Variants in WRN observed in about 807,000 individuals in gnomAD.
WRN encodes the protein bifunctional 3'-5' exonuclease/ATP-dependent helicase WRN.
In WRN, 149 loss-of-function variants were observed where a neutral mutation model predicts 180.7. The observed-to-expected ratio is 0.82, with a 90% CI of 0.72 to 0.94. The LOEUF is 0.94. Ranked by LOEUF, WRN falls within the 40% of genes least tolerant of loss-of-function variation. The pLI, the probability that WRN is intolerant of heterozygous loss-of-function variation, is 0.00. For missense variants in WRN, 1,661 were observed against 1,700.1 expected (o/e 0.98, Z 0.40); for synonymous variants, 548 against 568.9 (o/e 0.96, Z 0.52).
chr8:31,166,312 G>A (rs1208220768), intron 33 of WRN, among the ~76,000 whole-genome samples: 1 of 152,146 alleles, frequency 6.6e-6, no homozygotes, highest in Non-Finnish European at 1.5e-5. Flanking sequence ...GCAGAAGAAT[G>A]TGATGTTGGA....
intron 23 of WRN, among the ~76,000 whole-genome samples, chr8:31,131,386 C>G (rs1277938757): frequency 6.6e-6 from 1 of 152,104 alleles, no homozygotes; most frequent in Non-Finnish European, 1.5e-5. Context: ...GAATGCCTGA[C>G]TTCAAGTGAT....
chr8:31,033,865 G>C lies in WRN; in HGVS notation c.-185G>C, dbSNP rs1246092958. The C allele has an allele frequency of 1.3e-5, 2 of 152,508 alleles. No individual in the cohort carries two copies. The highest frequency in any genetic ancestry group is 2.9e-5 in the Non-Finnish European group (2 of 68,274). The allele number at this position is 152,508 out of a possible 1,614,324, so 9.4% of individuals were successfully genotyped here. A position where few individuals can be genotyped will look rare whatever the true frequency, so the allele number is the denominator to read the frequency against. On this transcript the variant is annotated 5_prime_UTR_variant, in exon 1 of 35. Transcript: ENST00000298139. Reference sequence around the variant, plus strand: ...TTGTACTCGGCAGCGCGGGAATAAAGTTTGCTGATTTGGTGTCTAGCCTGG... The same window carrying C: ...TTGTACTCGGCAGCGCGGGAATAAACTTTGCTGATTTGGTGTCTAGCCTGG...
Position 31,064,475 on chromosome 8 carries a change from G to A in WRN, c.355+41G>A, listed in dbSNP as rs1043004968. On this transcript the variant is annotated intron_variant, in intron 4 of 34. Transcript: ENST00000298139. ...TTTCATTTTTATATGGCTGATAATT[G>A]TAATATGTCAACTTTATCCCTATAA... 2.5e-6 allele frequency: 4 copies of A among 1,612,826 alleles called. No individual in the cohort carries two copies. In the East Asian group the frequency reaches 6.7e-5, roughly 27 times the overall value.
Position 31,111,572 on chromosome 8 carries a change from A to T in WRN, c.2089-43A>T, listed in dbSNP as rs770637117. On this transcript the variant is annotated intron_variant, in intron 18 of 34. Coordinates refer to ENST00000298139, the MANE Select transcript of WRN (RefSeq NM_000553.6). ...AAAGCTATAGACATGTTGGGAATGA[A>T]TGAGCTCTTTCCTTTTTAAAATATC... The T allele has an allele frequency of 2.5e-6, 4 of 1,600,016 alleles. No homozygotes were observed. In the African/African-American group the frequency reaches 5.4e-5, roughly 21 times the overall value.
chr8:31,037,153 G>C (rs1021630751), intron 1 of WRN, among the ~76,000 whole-genome samples: 1 of 152,184 alleles, frequency 6.6e-6, no homozygotes, highest in African/African-American at 2.4e-5. Context: ...CCTGAAACTT[G>C]AGGGTCCTAT....
chr8:31,058,555 A>G lies in WRN; in HGVS notation c.96+12A>G, dbSNP rs1812363989. 6.2e-7 allele frequency: 1 copy of G among 1,612,572 alleles called. No individual in the cohort carries two copies. Among genetic ancestry groups the G allele is most frequent in the Non-Finnish European group, 8.5e-7 (1 of 1,178,896 alleles). The stretch of plus-strand genomic sequence containing the variant: ...TAGAAGAAAGAAAGGTATGTTGTTC[A>G]TTGACTATTCTTTTGGGTGAGAAAT... On this transcript the variant is annotated intron_variant, in intron 2 of 34. Transcript: ENST00000298139.
intron 1 of WRN, among the ~76,000 whole-genome samples, chr8:31,054,641 C>T (rs754558465): frequency 2.6e-5 from 4 of 152,100 alleles, no homozygotes; most frequent in African/African-American, 4.8e-5. Context: ...AGGAAAAGTC[C>T]AAAGCAAATC....
At chr8:31,121,141 T>C (rs762780757) in intron 21 of WRN, among the ~76,000 whole-genome samples, 8 of 151,996 alleles carry the variant, frequency 5.3e-5, no homozygotes, top group Non-Finnish European at 1.2e-4. Context: ...CATTTACCAA[T>C]ACTTTGTTCC....
intron 33 of WRN, among the ~76,000 whole-genome samples, chr8:31,163,940 A>G (rs1803742730): frequency 6.6e-6 from 1 of 151,368 alleles, no homozygotes; most frequent in Non-Finnish European, 1.5e-5. Flanking sequence ...GCAGCCTTGA[A>G]CTCTTGGGCT....
At chr8:31,147,616 A>G (rs1356899762) in intron 30 of WRN, 140 bp downstream of exon 30, 2 of 781,844 alleles carry the variant, frequency 2.6e-6, no homozygotes, top group Non-Finnish European at 4.3e-6. Context: ...TGCGATGCTT[A>G]TCTCTTTGCC....
At chr8:31,046,652 T>C (rs769402953) in intron 1 of WRN, among the ~76,000 whole-genome samples, 17 of 152,186 alleles carry the variant, frequency 1.1e-4, no homozygotes, top group South Asian at 6.2e-4. Context: ...TCTTTAGCTG[T>C]CTTTGAAACC....
intron 21 of WRN, among the ~76,000 whole-genome samples, chr8:31,122,756 C>T (rs1418202556): frequency 3.3e-5 from 5 of 150,270 alleles, no homozygotes; most frequent in Non-Finnish European, 5.9e-5. Flanking sequence ...TTTGTTTTCT[C>T]AAATTTGTCC....
At chr8:31,059,382 T>C in intron 3 of WRN, 117 bp downstream of exon 3, 2 of 785,512 alleles carry the variant, frequency 2.5e-6, no homozygotes, top group South Asian at 1.4e-5. Context: ...TAGATAATTA[T>C]TTCTATGTAT....
chr8:31,132,293 T>A (rs1409763587), intron 23 of WRN, 72 bp from the exon 24 acceptor site: 1 of 1,548,684 alleles, frequency 6.5e-7, no homozygotes, highest in Non-Finnish European at 8.7e-7. Context: ...CTAATTGTTA[T>A]GCTAAATCTT....
At chr8:31,058,301 A>C in intron 1 of WRN, 71 bp from the exon 2 acceptor site, 2 of 666,638 alleles carry the variant, frequency 3.0e-6, no homozygotes, top group East Asian at 5.5e-5. Flanking sequence ...CTATGCTTGG[A>C]CCTAGGTGTC....
intron 17 of WRN, among the ~76,000 whole-genome samples, chr8:31,099,904 A>G (rs1034231659): frequency 2.0e-5 from 3 of 152,136 alleles, no homozygotes; most frequent in Non-Finnish European, 4.4e-5. Context: ...GAGGACTGAG[A>G]CTTGGAAAGC....
rs71208105 is a variant in WRN at position 31,149,455 on chromosome 8, G to GTTTTTTTT, written c.3573-857_3573-850dup. Among the ~76,000 whole-genome samples, 8 of 51,972 alleles carry GTTTTTTTT rather than the reference G, an allele frequency of 1.5e-4. 2 individuals are homozygous for GTTTTTTTT. The highest frequency in any genetic ancestry group is 6.2e-4 in the African/African-American group (8 of 13,002). The allele number at this position is 51,972 out of a possible 152,430, so 34.1% of individuals were successfully genotyped here. On this transcript the variant is annotated intron_variant, in intron 30 of 34. Coordinates refer to ENST00000298139, the MANE Select transcript of WRN (RefSeq NM_000553.6). ...TCTAAGACCATACTTTAATAGAGGT[G>GTTTTTTTT]TTTTTTTTTTTTTTTTTTTTTTTTT...
intron 30 of WRN, among the ~76,000 whole-genome samples, chr8:31,149,455 G>GTTTTTTTTTTTTTTTTTTT (rs71208105): frequency 3.8e-5 from 2 of 51,976 alleles, no homozygotes; most frequent in African/African-American, 1.5e-4. Flanking sequence ...TAATAGAGGT[G>GTTTTTTTTTTTTTTTTTTT]TTTTTTTTTT....
rs1204739059 is a variant in WRN, at chr8:31,087,902, G to A, written c.1558G>A (p.Glu520Lys). The A allele has an allele frequency of 1.2e-6, 2 of 1,613,300 alleles. No homozygotes were observed. The highest frequency in any genetic ancestry group is 1.7e-6 in the Non-Finnish European group (2 of 1,179,632). The part of the protein sequence containing the change: ...EDDENEANEG[E>K]EDDDKDFLWP... Reference sequence around the variant, plus strand: ...TGATGAAAATGAAGCTAATGAAGGGGAAGAAGATGATGATAAGGGTAAGCA... The same window carrying A: ...TGATGAAAATGAAGCTAATGAAGGGAAAGAAGATGATGATAAGGGTAAGCA... The change falls in exon 12 of 35, where the codon GAA (glutamate) becomes AAA (lysine). Residue 520 changes from glutamate to lysine, a missense_variant. Physicochemically the swap from Glu to Lys is moderately conservative, Grantham distance 56 (BLOSUM62 1). Around this residue, in one of 3 missense-constraint regions of WRN, gnomAD observed 1,141 missense variants for 1,149.4 expected, o/e 0.99. Transcript: ENST00000298139.
Sources: allele counts gnomAD v4.1 joint callset (sites outside exome capture counted in the v4.1 genomes callset), GRCh38; gene constraint gnomAD v4.1.1; regional missense constraint gnomAD v4.1.1; transcripts MANE v1.5; gene names NCBI Gene and HGNC (gene_info 2026-07-23, HGNC 2026-07-21).